PLK5: variants seen among roughly 807,000 people sequenced by gnomAD.
PLK5 encodes polo like kinase 5 (inactive).
PLK5 carries 28 observed loss-of-function variants against 33.7 expected under a neutral mutation model. The observed-to-expected ratio is 0.83, with a 90% CI of 0.62 to 1.14. The LOEUF is 1.14. Ranked by LOEUF, PLK5 falls within the 50% of genes most tolerant of loss-of-function variation. PLK5 has a pLI of 0.00. For missense variants in PLK5, 492 were observed against 461.5 expected, an observed-to-expected ratio of 1.07 and a Z score of -0.61; for synonymous variants, 225 against 202.2, an observed-to-expected ratio of 1.11 and a Z score of -0.96.
chr19:1,531,696 G>A, intron 11 of PLK5, 42 bp from the exon 12 acceptor site: 2 of 1,528,832 alleles, frequency 1.3e-6, no homozygotes, highest in Non-Finnish European at 8.7e-7. Context: ...CTATATGCCT[G>A]ACCCCTGACC....
chr19:1,529,517 G>A (rs2145543871), intron 10 of PLK5, 27 bp downstream of exon 10: 2 of 1,527,798 alleles, frequency 1.3e-6, no homozygotes, highest in East Asian at 4.9e-5. Context: ...CCCAGCCCGG[G>A]GCTGCAGGTG....
intron 6 of PLK5, 77 bp downstream of exon 6, chr19:1,527,075 A>T: frequency 1.5e-6 from 2 of 1,353,940 alleles, no homozygotes; most frequent in Non-Finnish European, 2.0e-6. Context: ...TGCACGGAAC[A>T]GGTGGGGACC....
rs1350412044 is a variant in PLK5 at position 1,536,045 on chromosome 19, G to A, written c.*795G>A. ...ACAACCGTCACCTGTGCTGCCCTGGGGTGGACGGTGCACTCATGGACCTGA... is the reference window on the plus strand; with the variant it reads ...ACAACCGTCACCTGTGCTGCCCTGGAGTGGACGGTGCACTCATGGACCTGA... On this transcript the variant is annotated 3_prime_UTR_variant, in exon 14 of 14. Transcript: ENST00000454744. The A allele has an allele frequency of 6.6e-6, 1 of 152,276 alleles. No homozygotes were observed. The highest frequency in any genetic ancestry group is 2.4e-5 in the African/African-American group (1 of 41,404). The allele number at this position is 152,276 out of a possible 1,614,324, so 9.4% of individuals were successfully genotyped here.
chr19:1,528,934 A>G lies in PLK5; in HGVS notation c.365A>G (p.Glu122Gly). 6.6e-7 allele frequency: 1 copy of G among 1,519,602 alleles called. No homozygotes were observed. The highest frequency in any genetic ancestry group is 1.2e-5 in the South Asian group (1 of 82,074). 94.1% of individuals were successfully genotyped at this position (1,519,602 alleles called of 1,614,324 possible). A position where few individuals can be genotyped will look rare whatever the true frequency, so the allele number is the denominator to read the frequency against. ...CCTAAAGAGGCCTCGGGTCCAGGAG[A>G]AGGTGGGCCAGACCCTGACTCCATG... ...FTPKEASGPG[E>G]GGPDPDSMEW... Residue 122 changes from glutamate (E) to glycine (G), a missense_variant, in exon 9 of 14, where the codon GAA (glutamate) becomes GGA (glycine). Glu to Gly is a moderately conservative substitution (Grantham distance 98). Transcript: ENST00000454744.
At chr19:1,531,568 T>C (rs1913928597) in intron 11 of PLK5, among the ~76,000 whole-genome samples, 170 bp from the exon 12 acceptor site, 1 of 152,198 alleles carries the variant, frequency 6.6e-6, no homozygotes, top group South Asian at 2.1e-4. Flanking sequence ...GTTCCGTGGC[T>C]TCTGTTGATG....
At position 1,531,827 on chromosome 19, in the gene PLK5, C is replaced by T. The variant is rs1237943326; in HGVS notation, c.658C>T (p.Leu220Phe). 1.3e-6 allele frequency: 2 copies of T among 1,533,900 alleles called. No individual in the cohort carries two copies. The highest frequency in any genetic ancestry group is 1.4e-5 in the African/African-American group (1 of 72,904). ...YSSKYGFGYQ[L>F]LDGGRTGRHP... ...CAGCAAATACGGCTTTGGCTACCAG[C>T]TCTTGGACGGGGGGCGCACGGGACG... The change falls in exon 12 of 14, where the codon CTC (leucine) becomes TTC (phenylalanine). Residue 220 changes from leucine (L) to phenylalanine (F), a missense_variant. Physicochemically the swap from Leu to Phe is conservative, Grantham distance 22 (BLOSUM62 0). Transcript: ENST00000454744.
At position 1,535,229 on chromosome 19, in the gene PLK5, C is replaced by G; in HGVS notation, c.990C>G (p.Leu330=). 2.0e-6 allele frequency: 3 copies of G among 1,535,956 alleles called. No homozygotes were observed. Among genetic ancestry groups the G allele is most frequent in the Non-Finnish European group, 2.6e-6 (3 of 1,146,782 alleles). The change falls in exon 14 of 14, where the codon CTC becomes CTG. Residue 330 remains leucine, a synonymous_variant. Coordinates refer to ENST00000454744, the MANE Select transcript of PLK5 (RefSeq NM_001243079.2). ...PTTGQHLHHA[L]RMLQSI ...CCGGACAGCACCTTCACCACGCCCT[C>G]CGCATGCTGCAGAGTATCTAGTGCC...
chr19:1,531,046 G>A (rs112878694), intron 11 of PLK5, among the ~76,000 whole-genome samples: 19,710 of 151,764 alleles, frequency 0.13, 4,223 homozygotes, highest in African/African-American at 0.45. Flanking sequence ...AGCTGAGATC[G>A]TGCCACTGCA....
chr19:1,534,012 C>G lies in PLK5; in HGVS notation c.796C>G (p.Leu266Val). ...CTTCCTGGCCTCTGAGCACGCCCTG[C>G]TGCTGCTGTTCAGCAATGGGATGGT... ...LRFLASEHAL[L>V]LLFSNGMVQV... is the part of the protein sequence containing the mutation. The change falls in exon 13 of 14, where the codon CTG becomes GTG. Residue 266 changes from leucine to valine, a missense_variant. By Grantham distance (32) the Leu-to-Val change is conservative. Transcript: ENST00000454744. 1 of 1,535,684 alleles carries G rather than the reference C, an allele frequency of 6.5e-7. No individual in the cohort carries two copies. Among genetic ancestry groups the G allele is most frequent in the Non-Finnish European group, 8.7e-7 (1 of 1,146,786 alleles).
rs1428027665 is a variant in PLK5 at position 1,528,936 on chromosome 19, G to T, written c.367G>T (p.Gly123Cys). 2 of 1,521,610 alleles carry T rather than the reference G, an allele frequency of 1.3e-6. No individual in the cohort carries two copies. 94.3% of individuals were successfully genotyped at this position (1,521,610 alleles called of 1,614,324 possible). Residue 123 changes from glycine (G) to cysteine (C), a missense_variant, in exon 9 of 14, where the codon GGT becomes TGT. Physicochemically the swap from Gly to Cys is radical, Grantham distance 159 (BLOSUM62 -3). Coordinates refer to ENST00000454744, the MANE Select transcript of PLK5 (RefSeq NM_001243079.2). ...TPKEASGPGE[G>C]GPDPDSMEWD... ...TAAAGAGGCCTCGGGTCCAGGAGAA[G>T]GTGGGCCAGACCCTGACTCCATGGA...
In PLK5 at chr19:1,532,521, C is replaced by CT. The variant is rs10545181; in HGVS notation, c.714+657dup. 5.6e-3 allele frequency among the ~76,000 whole-genome samples: 667 copies of CT among 118,780 alleles called. 6 individuals are homozygous for CT. Among genetic ancestry groups the CT allele is most frequent in the Middle Eastern group, 0.027 (6 of 222 alleles). 77.9% of individuals were successfully genotyped at this position (118,780 alleles called of 152,430 possible). A position where few individuals can be genotyped will look rare whatever the true frequency, so the allele number is the denominator to read the frequency against. On this transcript the variant is annotated intron_variant, in intron 12 of 13. Transcript: ENST00000454744. The stretch of plus-strand genomic sequence containing the variant: ...AGACCTTTCTCTACAAAATTTTCTT[C>CT]TTTTTTTTTTTTTTTTTTTGAGATG...
rs747113642 is a variant in PLK5 at position 1,529,787 on chromosome 19, C to T, written c.531C>T (p.Leu177=). ...GSRRPEVEAA[L]RHLQLCLDVG... is the part of the protein sequence containing the mutation. ...GGCGGCCAGAGGTGGAGGCGGCCCT[C>T]AGACACCTGCAGCTGTGCCTGGATG... is the stretch of plus-strand genomic sequence containing the variant. Residue 177 remains leucine (L), a synonymous_variant, in exon 11 of 14, where the codon CTC becomes CTT. Transcript: ENST00000454744. The T allele has an allele frequency of 6.5e-7, 1 of 1,536,020 alleles. No homozygotes were observed. Among genetic ancestry groups the T allele is most frequent in the South Asian group, 1.2e-5 (1 of 84,048 alleles).
chr19:1,526,433 G>A (rs1451499159), intron 3 of PLK5, 53 bp from the exon 4 acceptor site: 1 of 223,000 alleles, frequency 4.5e-6, no homozygotes, highest in Non-Finnish European at 9.2e-6. Context: ...TACCACCTTG[G>A]CCAGGCTGAG....
At chr19:1,534,502 G>A (rs1290054495) in intron 13 of PLK5, among the ~76,000 whole-genome samples, 21 of 93,952 alleles carry the variant, frequency 2.2e-4, no homozygotes, top group Admixed American at 7.9e-4. Flanking sequence ...GCAAGACTTC[G>A]TCTCAAAAAA....
At chr19:1,532,292 G>T (rs1568254576) in intron 12 of PLK5, among the ~76,000 whole-genome samples, 1 of 151,984 alleles carries the variant, frequency 6.6e-6, no homozygotes, top group African/African-American at 2.4e-5. Context: ...TATAATCCTG[G>T]CACGTTGGAG....
Position 1,535,827 on chromosome 19 carries a change from A to G in PLK5, c.*577A>G, listed in dbSNP as rs187658537. ...GAGGTTGAGGCTGCAGTGAGCTGTG[A>G]TTGCACCACTGCACTCCAGCCTGGG... On this transcript the variant is annotated 3_prime_UTR_variant, in exon 14 of 14. Transcript: ENST00000454744. 105 of 155,212 alleles carry G rather than the reference A, an allele frequency of 6.8e-4. No homozygotes were observed. Among genetic ancestry groups the G allele is most frequent in the African/African-American group, 2.5e-3 (105 of 41,576 alleles). 9.6% of individuals were successfully genotyped at this position (155,212 alleles called of 1,614,324 possible). A position where few individuals can be genotyped will look rare whatever the true frequency, so the allele number is the denominator to read the frequency against.
intron 11 of PLK5, 110 bp downstream of exon 11, chr19:1,529,934 G>C: frequency 8.7e-7 from 1 of 1,147,912 alleles, no homozygotes; most frequent in South Asian, 1.5e-5. Context: ...GAGGAGTAGG[G>C]GTGAGGGAGG....
In PLK5 at chr19:1,524,445, G is replaced by T. The variant is rs1240806863; in HGVS notation, c.-544+199G>T. Among the ~76,000 whole-genome samples, 1 of 152,122 alleles carries T rather than the reference G, an allele frequency of 6.6e-6. No homozygotes were observed. Among genetic ancestry groups the T allele is most frequent in the Middle Eastern group, 3.2e-3 (1 of 316 alleles). ...AACCGTGTTGAGCGCGCTGTGCGTC[G>T]TGTCCGTGGGTTGCGTGTCCGGGGT... On this transcript the variant is annotated intron_variant, in intron 1 of 13. Coordinates refer to ENST00000454744, the MANE Select transcript of PLK5 (RefSeq NM_001243079.2). This position sits in a 1 kb window ranked among gnomAD's most constrained non-coding sequence, Gnocchi z 4.5.
At chr19:1,527,703 G>A (rs183793290) in intron 6 of PLK5, among the ~76,000 whole-genome samples, 9 of 146,604 alleles carry the variant, frequency 6.1e-5, no homozygotes, top group Non-Finnish European at 1.2e-4. Context: ...CACCAAGCAG[G>A]GTCCATGGGA....
Sources: gnomAD v4.1 joint callset for allele counts (sites outside exome capture counted in the v4.1 genomes callset) on GRCh38, gnomAD v4.1.1 for gene constraint, Gnocchi (gnomAD v3.1) non-coding constraint, MANE v1.5 for transcripts, NCBI Gene and HGNC (gene_info 2026-07-23, HGNC 2026-07-21) for gene names.